Variants in PRMT3 observed in about 807,000 individuals in gnomAD.
PRMT3 encodes the protein protein arginine methyltransferase 3, also known as protein arginine N-methyltransferase 3.
In PRMT3, 62 loss-of-function variants were observed where a neutral mutation model predicts 71.9. That is an observed-to-expected ratio of 0.86 (90% confidence interval 0.70 to 1.07). The LOEUF is 1.07. Ranked by LOEUF, PRMT3 falls within the 50% of genes least tolerant of loss-of-function variation. PRMT3 has a pLI of 0.00. For synonymous variants in PRMT3, 213 were observed against 220.4 expected (o/e 0.97, Z 0.30); for missense variants, 663 against 643.0 (o/e 1.03, Z -0.34).
intron 7 of PRMT3, among the ~76,000 whole-genome samples, 193 bp downstream of exon 7, chr11:20,397,914 C>T (rs541467771): frequency 6.6e-6 from 1 of 150,792 alleles, no homozygotes; most frequent in African/African-American, 2.4e-5. Flanking sequence ...TGGCACATGC[C>T]TGTAATACCA....
At chr11:20,479,421 G>GA (rs1295125747) in intron 13 of PRMT3, among the ~76,000 whole-genome samples, 27 of 152,156 alleles carry the variant, frequency 1.8e-4, no homozygotes, top group Middle Eastern at 3.4e-3. Flanking sequence ...CCTTTCAGTG[G>GA]AAAAAATATT....
At chr11:20,421,703 G>A (rs1197577113) in intron 9 of PRMT3, among the ~76,000 whole-genome samples, 1 of 151,930 alleles carries the variant, frequency 6.6e-6, no homozygotes, top group Non-Finnish European at 1.5e-5. Context: ...TGAGTCCTTG[G>A]TTATTTTTTC....
intron 9 of PRMT3, among the ~76,000 whole-genome samples, chr11:20,413,955 C>T (rs1849248603): frequency 6.6e-6 from 1 of 152,106 alleles, no homozygotes; most frequent in South Asian, 2.1e-4. Context: ...TTCTGTTAAA[C>T]TCCACAAGCC....
intron 8 of PRMT3, among the ~76,000 whole-genome samples, chr11:20,403,229 T>A (rs7479181): frequency 1.3e-5 from 2 of 152,118 alleles, no homozygotes; most frequent in African/African-American, 4.8e-5. Context: ...TATAATGACA[T>A]AGCTTAGTTA....
chr11:20,451,207 A>C (rs1850140723), intron 10 of PRMT3, among the ~76,000 whole-genome samples: 1 of 152,108 alleles, frequency 6.6e-6, no homozygotes, highest in Admixed American at 6.6e-5. Context: ...TAGAGGATTC[A>C]TTATCATACT....
intron 9 of PRMT3, among the ~76,000 whole-genome samples, chr11:20,419,701 C>A (rs1332906027): frequency 6.6e-6 from 1 of 151,950 alleles, no homozygotes; most frequent in East Asian, 1.9e-4. Context: ...TTTAGATGAC[C>A]CAGTTGTCCT....
At chr11:20,391,317 C>T (rs989698182) in intron 3 of PRMT3, among the ~76,000 whole-genome samples, 2 of 151,942 alleles carry the variant, frequency 1.3e-5, no homozygotes, top group Admixed American at 6.6e-5. Context: ...ACGATCTCGG[C>T]TCACTGCAAC....
chr11:20,410,783 C>T (rs1476447137), intron 9 of PRMT3, among the ~76,000 whole-genome samples: 1 of 152,022 alleles, frequency 6.6e-6, no homozygotes, highest in Non-Finnish European at 1.5e-5. Flanking sequence ...CAATTTGCAT[C>T]TATTAGTATT....
intron 15 of PRMT3, among the ~76,000 whole-genome samples, chr11:20,502,859 A>C (rs760996659): frequency 3.9e-5 from 6 of 152,150 alleles, no homozygotes; most frequent in Non-Finnish European, 7.4e-5. Context: ...GAAGTAAGGT[A>C]AATGCACCAG....
chr11:20,466,541 A>G (rs1039762513), intron 13 of PRMT3, among the ~76,000 whole-genome samples: 2 of 152,148 alleles, frequency 1.3e-5, no homozygotes, highest in East Asian at 3.9e-4. Context: ...GTGGGGCCCT[A>G]GCTGTCAGTA....
chr11:20,404,227 T>A (rs879810821), intron 8 of PRMT3, among the ~76,000 whole-genome samples: 1 of 63,320 alleles, frequency 1.6e-5, no homozygotes, highest in African/African-American at 5.6e-5. Context: ...TTTTTTTTTT[T>A]TTTTTTTTTT....
chr11:20,473,075 A>C (rs914521763), intron 13 of PRMT3, among the ~76,000 whole-genome samples: 1 of 151,988 alleles, frequency 6.6e-6, no homozygotes, highest in Non-Finnish European at 1.5e-5. Flanking sequence ...ATTTCTGTGG[A>C]GACCACGGTA....
intron 10 of PRMT3, among the ~76,000 whole-genome samples, chr11:20,431,101 A>C (rs1397791941): frequency 6.6e-6 from 1 of 152,200 alleles, no homozygotes; most frequent in Non-Finnish European, 1.5e-5. Flanking sequence ...GCAAACACAT[A>C]GACTAAGTCC....
intron 11 of PRMT3, among the ~76,000 whole-genome samples, chr11:20,460,767 T>C (rs918746272): frequency 2.0e-5 from 3 of 152,212 alleles, no homozygotes; most frequent in African/African-American, 7.2e-5. Flanking sequence ...CAATCTGTGC[T>C]GTTACTAAAG....
chr11:20,497,698 G>C (rs1195933138), intron 15 of PRMT3, among the ~76,000 whole-genome samples: 1 of 152,164 alleles, frequency 6.6e-6, no homozygotes, highest in Non-Finnish European at 1.5e-5. Flanking sequence ...GTATATGTAG[G>C]ATTAAATGCA....
chr11:20,503,587 T>G (rs1349001881), intron 15 of PRMT3, among the ~76,000 whole-genome samples: 2 of 152,198 alleles, frequency 1.3e-5, no homozygotes, highest in Admixed American at 1.3e-4. Context: ...TTTTAGAATT[T>G]TTATCAATGG....
intron 7 of PRMT3, among the ~76,000 whole-genome samples, chr11:20,402,105 CTATTTT>C (rs1848960294): frequency 6.6e-6 from 1 of 151,288 alleles, no homozygotes; most frequent in Non-Finnish European, 1.5e-5. Context: ...TATCTCCTTT[CTATTTT>C]TGTTTTTGTT....
At chr11:20,462,686 C>T (rs991166893) in intron 12 of PRMT3, among the ~76,000 whole-genome samples, 2 of 152,166 alleles carry the variant, frequency 1.3e-5, no homozygotes, top group Non-Finnish European at 2.9e-5. Context: ...GTTTTGTCAT[C>T]TTATTTTTTG....
At chr11:20,487,472 A>G (rs1851102261) in intron 13 of PRMT3, among the ~76,000 whole-genome samples, 1 of 152,182 alleles carries the variant, frequency 6.6e-6, no homozygotes, top group Non-Finnish European at 1.5e-5. Context: ...GATTCTTTAT[A>G]TATTGAAGTA....
Sources: gnomAD v4.1 joint callset for allele counts (sites outside exome capture counted in the v4.1 genomes callset) on GRCh38, gnomAD v4.1.1 for gene constraint, MANE v1.5 for transcripts, NCBI Gene and HGNC (gene_info 2026-07-23, HGNC 2026-07-21) for gene names.